The following ITFG1 variants were observed in gnomAD, a reference collection of about 807,000 sequenced individuals.
The protein encoded by ITFG1 is T-cell immunomodulatory protein.
In ITFG1, 34 loss-of-function variants were observed where a neutral mutation model predicts 81.8. That is an observed-to-expected ratio of 0.42 (90% CI 0.32 to 0.55). The LOEUF (loss-of-function observed/expected upper bound fraction) is 0.55, where lower values mean the gene tolerates loss of function less well. Among genes scored for constraint, ITFG1 ranks in the 20% least tolerant of loss-of-function variants. The pLI, the probability that ITFG1 is intolerant of heterozygous loss-of-function variation, is 0.17. For synonymous variants in ITFG1, 285 were observed against 270.6 expected (o/e 1.05, Z -0.52); for missense variants, 672 against 755.4 (o/e 0.89, Z 1.29).
At chr16:47,306,555 T>C (rs1967162540) in intron 10 of ITFG1, among the ~76,000 whole-genome samples, 1 of 151,982 alleles carries the variant, frequency 6.6e-6, no homozygotes, top group Admixed American at 6.6e-5. Flanking sequence ...ATATATGACC[T>C]GAAGTCAAGC....
intron 14 of ITFG1, among the ~76,000 whole-genome samples, chr16:47,164,167 A>G (rs1162307950): frequency 2.1e-5 from 3 of 139,836 alleles, no homozygotes; most frequent in Non-Finnish European, 4.7e-5. Context: ...GTTACTGTTT[A>G]TTTGTTTAGT....
intron 2 of ITFG1, among the ~76,000 whole-genome samples, chr16:47,456,553 G>A (rs755925795): frequency 7.2e-5 from 11 of 152,184 alleles, no homozygotes; most frequent in East Asian, 1.9e-4. Context: ...TTCGCTGGGC[G>A]TGGCGTTGTG....
intron 17 of ITFG1, among the ~76,000 whole-genome samples, chr16:47,156,863 T>C (rs549840059): frequency 6.6e-6 from 1 of 152,180 alleles, no homozygotes; most frequent in African/African-American, 2.4e-5. Context: ...ATTTTATACA[T>C]AAAAGGCAAT....
chr16:47,377,742 C>T (rs771903845), intron 6 of ITFG1, among the ~76,000 whole-genome samples: 1 of 152,176 alleles, frequency 6.6e-6, no homozygotes, highest in Non-Finnish European at 1.5e-5. Context: ...TGATTACAAC[C>T]TACCATGGTA....
At chr16:47,240,915 G>C (rs1305860841) in intron 12 of ITFG1, among the ~76,000 whole-genome samples, 1 of 152,108 alleles carries the variant, frequency 6.6e-6, no homozygotes, top group Non-Finnish European at 1.5e-5. Context: ...AATGGGTATA[G>C]AGTTTCAGCT....
intron 2 of ITFG1, among the ~76,000 whole-genome samples, chr16:47,456,286 G>C (rs551647270): frequency 2.0e-5 from 3 of 152,096 alleles, no homozygotes; most frequent in Non-Finnish European, 4.4e-5. Context: ...GACTCCAATA[G>C]CTTCCAAAAT....
intron 6 of ITFG1, among the ~76,000 whole-genome samples, chr16:47,403,001 T>C (rs562815685): frequency 3.3e-5 from 5 of 152,286 alleles, no homozygotes; most frequent in African/African-American, 1.2e-4. Flanking sequence ...ATAAATTTAC[T>C]GCTTTTTAAA....
intron 8 of ITFG1, among the ~76,000 whole-genome samples, chr16:47,357,598 G>C (rs988853415): frequency 7.6e-5 from 10 of 130,794 alleles, no homozygotes; most frequent in South Asian, 2.3e-4. Flanking sequence ...CTAGGTGACA[G>C]AGCAAGACTC....
intron 8 of ITFG1, among the ~76,000 whole-genome samples, chr16:47,349,978 G>A (rs901946722): frequency 1.3e-5 from 2 of 152,116 alleles, no homozygotes; most frequent in Non-Finnish European, 1.5e-5. Flanking sequence ...GGTAAATAAC[G>A]AAATGAAGGC....
At chr16:47,182,127 C>T (rs1402754721) in intron 14 of ITFG1, among the ~76,000 whole-genome samples, 3 of 151,686 alleles carry the variant, frequency 2.0e-5, no homozygotes, top group Admixed American at 6.6e-5. Context: ...CCACTATTGT[C>T]CTATGACCCT....
intron 5 of ITFG1, among the ~76,000 whole-genome samples, chr16:47,443,368 T>C (rs1969279891): frequency 6.6e-6 from 1 of 152,112 alleles, no homozygotes; most frequent in East Asian, 1.9e-4. Context: ...GAACTAGAAA[T>C]ACCATTTGAC....
intron 13 of ITFG1, among the ~76,000 whole-genome samples, chr16:47,219,572 A>G (rs965668090): frequency 6.6e-5 from 10 of 152,192 alleles, no homozygotes; most frequent in Admixed American, 4.6e-4. Flanking sequence ...AATAGAACAT[A>G]AAGAAACCAA....
At chr16:47,425,515 C>T (rs1015653703) in intron 6 of ITFG1, among the ~76,000 whole-genome samples, 7 of 152,072 alleles carry the variant, frequency 4.6e-5, no homozygotes, top group African/African-American at 1.7e-4. Context: ...ACAAATCACC[C>T]GTCTTCTGCG....
At chr16:47,253,499 T>G (rs1358448233) in intron 12 of ITFG1, among the ~76,000 whole-genome samples, 1 of 152,162 alleles carries the variant, frequency 6.6e-6, no homozygotes, top group Non-Finnish European at 1.5e-5. Context: ...GTTCTGAGTA[T>G]TCTGTTATTA....
intron 14 of ITFG1, among the ~76,000 whole-genome samples, chr16:47,213,478 C>T (rs1333319054): frequency 6.6e-6 from 1 of 151,900 alleles, no homozygotes; most frequent in Non-Finnish European, 1.5e-5. Flanking sequence ...CAACTGTTTG[C>T]CAAATCTTGA....
Position 47,222,445 on chromosome 16 carries a change from G to A in ITFG1, c.1375-3499C>T, listed in dbSNP as rs1328155968. On this transcript the variant is annotated intron_variant, in intron 13 of 17. Transcript: ENST00000320640. The stretch of plus-strand genomic sequence containing the variant: ...TTTTTTTTTTTTGAGACGAAGTCTC[G>A]CTAGGTCGCCCAGGCCGGAGTGCAG... 1.2e-4 allele frequency among the ~76,000 whole-genome samples: 17 copies of A among 142,264 alleles called. No individual in the cohort carries two copies. In the East Asian group the frequency reaches 2.8e-3, roughly 24 times the overall value. 93.3% of individuals were successfully genotyped at this position (142,264 alleles called of 152,430 possible).
intron 14 of ITFG1, among the ~76,000 whole-genome samples, chr16:47,205,656 C>G (rs1965484507): frequency 6.6e-6 from 1 of 152,042 alleles, no homozygotes; most frequent in African/African-American, 2.4e-5. Context: ...AGGAAGTAAC[C>G]AGGCTTTCAG....
At chr16:47,296,043 CAT>C (rs1230863333) in intron 10 of ITFG1, among the ~76,000 whole-genome samples, 1 of 152,058 alleles carries the variant, frequency 6.6e-6, no homozygotes, top group Non-Finnish European at 1.5e-5. Flanking sequence ...AGTCTACAGG[CAT>C]GCATCACCAT....
chr16:47,385,105 C>T (rs1255833599), intron 6 of ITFG1, among the ~76,000 whole-genome samples: 9 of 152,146 alleles, frequency 5.9e-5, no homozygotes, highest in African/African-American at 9.7e-5. Context: ...CTGTGCAATT[C>T]GTTTTAAGAA....
Sources: gnomAD v4.1 joint callset for allele counts (sites outside exome capture counted in the v4.1 genomes callset) on GRCh38, gnomAD v4.1.1 for gene constraint, MANE v1.5 for transcripts, NCBI Gene and HGNC (gene_info 2026-07-23, HGNC 2026-07-21) for gene names.